ELOVL7: variants seen among roughly 807,000 people sequenced by gnomAD.
ELOVL7 encodes the protein very long chain fatty acid elongase 7.
Under a neutral mutation model 35.7 loss-of-function variants are expected in ELOVL7, and 27 were observed. The observed-to-expected ratio is 0.76, with a 90% CI of 0.56 to 1.04. The LOEUF (loss-of-function observed/expected upper bound fraction) is 1.04. ELOVL7 is among the 50% of genes least tolerant of loss of function. The pLI is 0.00. For missense variants in ELOVL7, 327 were observed against 340.8 expected, an observed-to-expected ratio of 0.96 and a Z score of 0.32; for synonymous variants, 113 against 114.6, an observed-to-expected ratio of 0.99 and a Z score of 0.09.
chr5:60,776,409 T>A (rs1742906855), intron 3 of ELOVL7, among the ~76,000 whole-genome samples: 1 of 152,132 alleles, frequency 6.6e-6, no homozygotes, highest in South Asian at 2.1e-4. Context: ...GCCAAAAATA[T>A]ACATACACTT....
At chr5:60,771,174 T>C (rs950848463) in intron 4 of ELOVL7, among the ~76,000 whole-genome samples, 3 of 152,060 alleles carry the variant, frequency 2.0e-5, no homozygotes, top group African/African-American at 7.2e-5. Context: ...TAAAAAAGGA[T>C]AATGAAGCCA....
chr5:60,825,588 G>A (rs149758172), intron 1 of ELOVL7, among the ~76,000 whole-genome samples: 13 of 152,252 alleles, frequency 8.5e-5, no homozygotes, highest in Middle Eastern at 3.4e-3. Flanking sequence ...AGTGCTTGAC[G>A]TGTAACAGAC....
At chr5:60,776,350 A>ATT (rs1389284667) in intron 3 of ELOVL7, among the ~76,000 whole-genome samples, 1 of 152,224 alleles carries the variant, frequency 6.6e-6, no homozygotes, top group Non-Finnish European at 1.5e-5. Flanking sequence ...AAATAGAACT[A>ATT]TTATTCAACC....
At chr5:60,770,404 T>A (rs1742509561) in intron 4 of ELOVL7, among the ~76,000 whole-genome samples, 1 of 152,040 alleles carries the variant, frequency 6.6e-6, no homozygotes, top group Admixed American at 6.6e-5. Flanking sequence ...CCCAGAGAGG[T>A]TAAATAACTT....
At chr5:60,774,764 C>CTT (rs1441731287) in intron 3 of ELOVL7, among the ~76,000 whole-genome samples, 3,353 of 136,676 alleles carry the variant, frequency 0.025, 109 homozygotes, top group African/African-American at 0.064. Context: ...ATAAAACTCT[C>CTT]TTTTTTTTTT....
chr5:60,820,808 C>G (rs1201588742), intron 1 of ELOVL7, among the ~76,000 whole-genome samples: 2 of 152,076 alleles, frequency 1.3e-5, no homozygotes, highest in Middle Eastern at 3.2e-3. Flanking sequence ...CCTAAAAGTC[C>G]CTTCCCCTTT....
intron 1 of ELOVL7, among the ~76,000 whole-genome samples, chr5:60,837,174 C>T (rs901428885): frequency 6.6e-6 from 1 of 150,904 alleles, no homozygotes; most frequent in African/African-American, 2.5e-5. Flanking sequence ...TGTCTCACGC[C>T]TGTAATCCCA....
At chr5:60,756,951 G>C (rs1374891252) in intron 8 of ELOVL7, among the ~76,000 whole-genome samples, 1 of 152,058 alleles carries the variant, frequency 6.6e-6, no homozygotes, top group Non-Finnish European at 1.5e-5. Flanking sequence ...TGCATTATTA[G>C]GTCTAAACTG....
chr5:60,804,664 T>C (rs1744828936), intron 1 of ELOVL7, among the ~76,000 whole-genome samples: 1 of 152,234 alleles, frequency 6.6e-6, no homozygotes, highest in Non-Finnish European at 1.5e-5. Flanking sequence ...TCAATAGTCC[T>C]AGTCTCGAAT....
intron 1 of ELOVL7, among the ~76,000 whole-genome samples, chr5:60,835,855 CT>C (rs1746767295): frequency 6.6e-6 from 1 of 152,018 alleles, no homozygotes; most frequent in Non-Finnish European, 1.5e-5. Context: ...TCTAAATTAT[CT>C]ATCACAATAA....
At chr5:60,786,217 G>C (rs1448509740) in intron 3 of ELOVL7, among the ~76,000 whole-genome samples, 2 of 152,132 alleles carry the variant, frequency 1.3e-5, no homozygotes, top group African/African-American at 2.4e-5. Context: ...TGAGGCATTA[G>C]CTTCGATGAT....
At position 60,842,146 on chromosome 5, in the gene ELOVL7, A is replaced by C. The variant is rs149394432; in HGVS notation, c.-86+2014T>G. On this transcript the variant is annotated intron_variant, in intron 1 of 8. Transcript: ENST00000508821. ...AAAAGATGATAACAAATAGCAGAGA[A>C]GGGCATATGTGTTCAAAGTGGGGAA... Among the ~76,000 whole-genome samples, 1,138 of 152,344 alleles carry C rather than the reference A, an allele frequency of 7.5e-3. 16 individuals are homozygous for C. Among genetic ancestry groups the C allele is most frequent in the African/African-American group, 0.026 (1,080 of 41,584 alleles).
intron 4 of ELOVL7, among the ~76,000 whole-genome samples, chr5:60,770,798 AG>A (rs1259582556): frequency 1.3e-5 from 2 of 152,308 alleles, no homozygotes; most frequent in East Asian, 3.9e-4. Flanking sequence ...CCCAGGCTCA[AG>A]TGATCCTCTC....
At chr5:60,841,604 A>C (rs1747176404) in intron 1 of ELOVL7, among the ~76,000 whole-genome samples, 1 of 152,130 alleles carries the variant, frequency 6.6e-6, no homozygotes, top group Non-Finnish European at 1.5e-5. Context: ...TTGTGAAAAG[A>C]TTCCTATTTG....
chr5:60,762,502 A>G (rs999460560), intron 7 of ELOVL7, among the ~76,000 whole-genome samples: 1 of 152,094 alleles, frequency 6.6e-6, no homozygotes, highest in Non-Finnish European at 1.5e-5. Context: ...AAAATTAGAA[A>G]ATATAGAGAA....
chr5:60,821,034 A>G lies in ELOVL7; in HGVS notation c.-85-21804T>C, dbSNP rs1358301616. 3.9e-5 allele frequency among the ~76,000 whole-genome samples: 6 copies of G among 152,188 alleles called. 1 individual carries two copies. In the East Asian group the frequency reaches 1.2e-3, roughly 29 times the overall value. On this transcript the variant is annotated intron_variant, in intron 1 of 8. Transcript: ENST00000508821. ...TTCTCGGTAAATTTGAGTAATAATTATAATTACTGCCTAGTTCACTTCCGT... is the reference window on the plus strand; with the variant it reads ...TTCTCGGTAAATTTGAGTAATAATTGTAATTACTGCCTAGTTCACTTCCGT...
chr5:60,814,780 G>C (rs1745427202), intron 1 of ELOVL7, among the ~76,000 whole-genome samples: 1 of 152,186 alleles, frequency 6.6e-6, no homozygotes, highest in South Asian at 2.1e-4. Context: ...CCAGTGTGAA[G>C]GGCAGTAAGA....
intron 3 of ELOVL7, among the ~76,000 whole-genome samples, chr5:60,773,584 A>G (rs1489446408): frequency 6.6e-6 from 1 of 152,224 alleles, no homozygotes. Flanking sequence ...AAAGCCAAAG[A>G]GTCAAGAGTC....
intron 3 of ELOVL7, among the ~76,000 whole-genome samples, chr5:60,778,098 C>A (rs1369715293): frequency 6.6e-6 from 1 of 152,226 alleles, no homozygotes; most frequent in Non-Finnish European, 1.5e-5. Context: ...GTACACATCA[C>A]TGAAATCTTT....
Sources: allele counts gnomAD v4.1 joint callset (sites outside exome capture counted in the v4.1 genomes callset), GRCh38; gene constraint gnomAD v4.1.1; transcripts MANE v1.5; gene names NCBI Gene and HGNC (gene_info 2026-07-23, HGNC 2026-07-21).